The following TNFAIP8 variants were observed in gnomAD, a reference collection of about 807,000 sequenced individuals.
TNFAIP8 encodes TNF alpha induced protein 8, also known as tumor necrosis factor alpha-induced protein 8.
In TNFAIP8, 7 loss-of-function variants were observed where a neutral mutation model predicts 13.3. That is an observed-to-expected ratio of 0.52 (90% CI 0.30 to 0.99). The LOEUF (loss-of-function observed/expected upper bound fraction) is 0.99. Among genes scored for constraint, TNFAIP8 ranks in the 50% least tolerant of loss-of-function variants. TNFAIP8 has a pLI of 0.07. For synonymous variants in TNFAIP8, 94 were observed against 87.6 expected (o/e 1.07, Z -0.41); for missense variants, 258 against 236.9 (o/e 1.09, Z -0.58).
chr5:119,278,733 G>A (rs1201320220), intron 1 of TNFAIP8, among the ~76,000 whole-genome samples: 3 of 152,116 alleles, frequency 2.0e-5, no homozygotes, highest in African/African-American at 7.2e-5. Context: ...AATAATCCCA[G>A]GTTTCATTGG....
chr5:119,316,161 T>C (rs1291682378), intron 1 of TNFAIP8: 2 of 146,824 alleles, frequency 1.4e-5, no homozygotes, highest in African/African-American at 5.0e-5. Context: ...TTCTTCCACT[T>C]TTTTTTTTTT....
At chr5:119,315,806 C>T (rs1749877070) in intron 1 of TNFAIP8, among the ~76,000 whole-genome samples, 3 of 152,212 alleles carry the variant, frequency 2.0e-5, no homozygotes, top group Admixed American at 6.5e-5. Flanking sequence ...ACCACCCACA[C>T]ACACAGAAGT....
intron 1 of TNFAIP8, among the ~76,000 whole-genome samples, chr5:119,361,636 A>G (rs980768662): frequency 6.6e-6 from 1 of 152,230 alleles, no homozygotes; most frequent in Non-Finnish European, 1.5e-5. Flanking sequence ...AAGCCTCCAG[A>G]CCACATTTGT....
intron 1 of TNFAIP8, among the ~76,000 whole-genome samples, chr5:119,321,557 G>A (rs534698571): frequency 6.6e-6 from 1 of 151,932 alleles, no homozygotes; most frequent in East Asian, 1.9e-4. Flanking sequence ...TTTGCCTTTC[G>A]TGCATGCAGC....
intron 1 of TNFAIP8, among the ~76,000 whole-genome samples, chr5:119,294,429 C>G (rs997321936): frequency 6.6e-6 from 1 of 152,172 alleles, no homozygotes; most frequent in South Asian, 2.1e-4. Context: ...GCCACATTTT[C>G]TTAATCCAGT....
rs142357901 is a variant in TNFAIP8, at chr5:119,343,298, A to C, written c.2-49518A>C. 3.7e-4 allele frequency among the ~76,000 whole-genome samples: 57 copies of C among 152,354 alleles called. 1 individual carries two copies. Among genetic ancestry groups the C allele is most frequent in the African/African-American group, 1.2e-3 (51 of 41,576 alleles). On this transcript the variant is annotated intron_variant, in intron 1 of 1. Coordinates refer to the TNFAIP8 transcript ENST00000274456. Reference sequence around the variant, plus strand: ...GTCCATTCTGTGCATGTTGTAAAACAGAAGGTTTGCAGCTGTCAGATTTAT... The same window carrying C: ...GTCCATTCTGTGCATGTTGTAAAACCGAAGGTTTGCAGCTGTCAGATTTAT...
intron 1 of TNFAIP8, among the ~76,000 whole-genome samples, chr5:119,283,161 C>A (rs1455160801): frequency 6.6e-6 from 1 of 152,248 alleles, no homozygotes; most frequent in Non-Finnish European, 1.5e-5. Context: ...TGCACTAGTT[C>A]AGCAAGACAT....
rs565285977 is a variant in TNFAIP8 at position 119,392,147 on chromosome 5, C to T, written c.32-669C>T. On this transcript the variant is annotated intron_variant, in intron 1 of 1. Coordinates refer to ENST00000504771, the MANE Select transcript of TNFAIP8 (RefSeq NM_014350.4). ...CCAAGGAGCACTTCTTTTCAACACT[C>T]GACTTCTGGAGGCTGAAATTCAAGG... Among the ~76,000 whole-genome samples, 7 of 152,326 alleles carry T rather than the reference C, an allele frequency of 4.6e-5. No homozygotes were observed. The South Asian group carries it at 6.2e-4, about 14-fold the overall frequency.
chr5:119,364,014 A>G (rs1044118090), intron 1 of TNFAIP8, among the ~76,000 whole-genome samples: 2 of 152,244 alleles, frequency 1.3e-5, no homozygotes, highest in African/African-American at 2.4e-5. Flanking sequence ...AAAATACAGT[A>G]GAGGGATGCA....
chr5:119,362,414 G>A (rs1371416560), intron 1 of TNFAIP8, among the ~76,000 whole-genome samples: 1 of 152,158 alleles, frequency 6.6e-6, no homozygotes, highest in African/African-American at 2.4e-5. Context: ...CTGTGAGTCA[G>A]GAGACTGATC....
chr5:119,394,804 A>T lies in TNFAIP8; in HGVS notation c.*1423A>T, dbSNP rs945116225. 2 of 151,908 alleles carry T rather than the reference A, an allele frequency of 1.3e-5. No individual in the cohort carries two copies. The highest frequency in any genetic ancestry group is 6.6e-5 in the Admixed American group (1 of 15,248). The allele number at this position is 151,908 out of a possible 1,614,324, so 9.4% of individuals were successfully genotyped here. The stretch of plus-strand genomic sequence containing the variant: ...GTATTTTTAGTCGAGATGGGGTTTC[A>T]CCATGTTGCCCAGGCTGGTCTTGAA... On this transcript the variant is annotated 3_prime_UTR_variant, in exon 2 of 2. Coordinates refer to ENST00000504771, the MANE Select transcript of TNFAIP8 (RefSeq NM_014350.4).
At position 119,396,855 on chromosome 5, in the gene TNFAIP8, G is replaced by A. The variant is rs945280141; in HGVS notation, c.*3474G>A. On this transcript the variant is annotated 3_prime_UTR_variant, in exon 2 of 2. Transcript: ENST00000504771. ...TAAAAATACACAAGATTAGCCAGAT[G>A]TGGTGGCAGGCACCTGTAATCCCAG... The A allele has an allele frequency of 6.6e-6, 1 of 151,868 alleles. No individual in the cohort carries two copies. The highest frequency in any genetic ancestry group is 1.5e-5 in the Non-Finnish European group (1 of 67,982). 9.4% of individuals were successfully genotyped at this position (151,868 alleles called of 1,614,324 possible).
At chr5:119,344,907 T>G (rs756809303) in intron 1 of TNFAIP8, among the ~76,000 whole-genome samples, 2 of 152,224 alleles carry the variant, frequency 1.3e-5, no homozygotes, top group Non-Finnish European at 2.9e-5. Flanking sequence ...TACCCCTAGA[T>G]AGGGCGAGCC....
At chr5:119,366,285 T>A (rs1316564877) in intron 1 of TNFAIP8, among the ~76,000 whole-genome samples, 1 of 152,030 alleles carries the variant, frequency 6.6e-6, no homozygotes, top group Non-Finnish European at 1.5e-5. Flanking sequence ...GGAGAGAAAG[T>A]GGGGTGCTGG....
intron 1 of TNFAIP8, among the ~76,000 whole-genome samples, chr5:119,362,173 TA>T (rs1343253202): frequency 6.6e-6 from 1 of 152,078 alleles, no homozygotes; most frequent in Non-Finnish European, 1.5e-5. Context: ...CAAAGAGGGG[TA>T]ACTTGTATTC....
chr5:119,353,948 C>A (rs1751282492), upstream of TNFAIP8, among the ~76,000 whole-genome samples: 1 of 152,176 alleles, frequency 6.6e-6, no homozygotes, highest in South Asian at 2.1e-4. Context: ...GCACACGGCC[C>A]TGGTGAGATC....
chr5:119,297,965 C>G (rs377667297), intron 1 of TNFAIP8, among the ~76,000 whole-genome samples: 577 of 138,652 alleles, frequency 4.2e-3, no homozygotes, highest in African/African-American at 0.01. Context: ...CTTGGTAGAT[C>G]TTCCTCCATC....
chr5:119,306,318 C>CTTTTTTTTTTTT (rs770923933), intron 1 of TNFAIP8: 1 of 121,756 alleles, frequency 8.2e-6, no homozygotes, highest in African/African-American at 4.2e-5. Flanking sequence ...TTCTTTCTTT[C>CTTTTTTTTTTTT]TTTTTCTTTT....
intron 1 of TNFAIP8, among the ~76,000 whole-genome samples, chr5:119,309,003 GATAAA>G (rs1749652785): frequency 1.3e-5 from 2 of 152,162 alleles, no homozygotes; most frequent in South Asian, 4.1e-4. Flanking sequence ...GCATGTATGT[GATAAA>G]ATTGCTAAAC....
Sources: allele counts gnomAD v4.1 joint callset (sites outside exome capture counted in the v4.1 genomes callset), GRCh38; gene constraint gnomAD v4.1.1; transcripts MANE v1.5; gene names NCBI Gene and HGNC (gene_info 2026-07-23, HGNC 2026-07-21).